Variants in VPS13B observed in about 807,000 individuals in gnomAD.
VPS13B encodes the protein vacuolar protein sorting 13 homolog B, also known as intermembrane lipid transfer protein VPS13B.
Under a neutral mutation model 426.4 loss-of-function variants are expected in VPS13B, and 285 were observed. The ratio of observed to expected loss-of-function variants is 0.67; its 90% CI spans 0.61 to 0.74. The LOEUF (loss-of-function observed/expected upper bound fraction) is 0.74, where lower values mean the gene tolerates loss of function less well. Ranked by LOEUF, VPS13B falls within the 30% of genes least tolerant of loss-of-function variation. The probability of loss-of-function intolerance (pLI) is 0.00; values close to 1 mark genes in which losing one functional copy is unlikely to be tolerated. For synonymous variants in VPS13B, 1,676 were observed against 1,676.4 expected (o/e 1.00, Z 0.01); for missense variants, 4,537 against 4,782.6 (o/e 0.95, Z 1.51).
At chr8:99,632,834 A>G (rs2133914137) in intron 33 of VPS13B, among the ~76,000 whole-genome samples, 1 of 152,182 alleles carries the variant, frequency 6.6e-6, no homozygotes, top group East Asian at 1.9e-4. Flanking sequence ...GGTGGCTAAT[A>G]CAAGTTTGCA....
At chr8:99,129,418 A>C (rs534626172) in intron 8 of VPS13B, among the ~76,000 whole-genome samples, 1 of 151,832 alleles carries the variant, frequency 6.6e-6, no homozygotes, top group South Asian at 2.1e-4. Context: ...AAATAAATAA[A>C]TTAGCAGGGC....
At chr8:99,094,878 A>G (rs1012771033) in intron 3 of VPS13B, among the ~76,000 whole-genome samples, 11 of 152,116 alleles carry the variant, frequency 7.2e-5, no homozygotes, top group Admixed American at 3.9e-4. Context: ...ATGGTGCGCA[A>G]TGCACTCTCA....
chr8:99,142,139 C>T (rs1220754905), intron 12 of VPS13B, among the ~76,000 whole-genome samples: 2 of 151,992 alleles, frequency 1.3e-5, no homozygotes, highest in African/African-American at 4.8e-5. Flanking sequence ...TACTCCTTTG[C>T]ATGAAATAAT....
At chr8:99,721,124 A>G in intron 39 of VPS13B, 77 bp downstream of exon 39, 35 of 1,449,122 alleles carry the variant, frequency 2.4e-5, no homozygotes, top group Non-Finnish European at 3.4e-5. Context: ...AATGTTTGGA[A>G]CATACTTACT....
intron 43 of VPS13B, among the ~76,000 whole-genome samples, chr8:99,807,816 C>A (rs1423273706): frequency 6.8e-6 from 1 of 147,888 alleles, no homozygotes; most frequent in East Asian, 2.0e-4. Flanking sequence ...TTGAGTGAGG[C>A]CATATTAACA....
At chr8:99,740,485 A>C (rs1358568983) in intron 39 of VPS13B, among the ~76,000 whole-genome samples, 1 of 152,110 alleles carries the variant, frequency 6.6e-6, no homozygotes, top group Non-Finnish European at 1.5e-5. Context: ...CCACAAAGAT[A>C]CTCCTCGAGA....
chr8:99,478,321 G>A (rs749977616), intron 24 of VPS13B, among the ~76,000 whole-genome samples: 5 of 149,402 alleles, frequency 3.3e-5, no homozygotes, highest in Non-Finnish European at 7.4e-5. Context: ...TGATCAGTTT[G>A]CTGTATAAGA....
intron 17 of VPS13B, among the ~76,000 whole-genome samples, chr8:99,237,753 GT>G (rs2132876323): frequency 6.6e-6 from 1 of 152,096 alleles, no homozygotes; most frequent in African/African-American, 2.4e-5. Context: ...TCTTATCCAT[GT>G]GACCCGAACC....
chr8:99,022,300 G>T (rs1841937560), intron 2 of VPS13B, among the ~76,000 whole-genome samples: 3 of 149,576 alleles, frequency 2.0e-5, no homozygotes, highest in Non-Finnish European at 3.0e-5. Flanking sequence ...CTGTCATGTG[G>T]GATTTCATGT....
chr8:99,050,940 A>T (rs914276034), intron 3 of VPS13B, among the ~76,000 whole-genome samples: 6 of 152,244 alleles, frequency 3.9e-5, no homozygotes, highest in African/African-American at 9.6e-5. Context: ...GCCCTTTGTC[A>T]GATGAGTAGA....
chr8:99,376,232 C>G (rs865887461), intron 19 of VPS13B, among the ~76,000 whole-genome samples: 1 of 152,256 alleles, frequency 6.6e-6, no homozygotes, highest in Middle Eastern at 3.4e-3. Flanking sequence ...TGGTCTGTGT[C>G]AACTCAATAT....
At chr8:99,356,647 A>C (rs1812197737) in intron 19 of VPS13B, among the ~76,000 whole-genome samples, 1 of 152,144 alleles carries the variant, frequency 6.6e-6, no homozygotes, top group Non-Finnish European at 1.5e-5. Flanking sequence ...ACCCTGTCTC[A>C]AACAAACAAA....
chr8:99,508,285 T>C (rs1457925360), intron 28 of VPS13B, among the ~76,000 whole-genome samples: 1 of 152,198 alleles, frequency 6.6e-6, no homozygotes, highest in East Asian at 1.9e-4. Flanking sequence ...ATTGTTTTCT[T>C]ACAACTAATT....
rs145010514 is a variant in VPS13B at position 99,853,001 on chromosome 8, A to G, written c.10062-450A>G. Among the ~76,000 whole-genome samples the G allele has an allele frequency of 3.5e-4, 53 of 152,162 alleles. No individual in the cohort carries two copies. In the East Asian group the frequency reaches 8.7e-3, roughly 25 times the overall value. ...GGGTGGTTCCGCCCCAGAAATGGAG[A>G]TGGAGAAGAGCCAAGCATGGACTCA... On this transcript the variant is annotated intron_variant, in intron 55 of 61. Coordinates refer to ENST00000357162, the MANE Select transcript of VPS13B (RefSeq NM_152564.5).
At chr8:99,779,401 A>G (rs552500690) in intron 42 of VPS13B, among the ~76,000 whole-genome samples, 1 of 152,302 alleles carries the variant, frequency 6.6e-6, no homozygotes, top group South Asian at 2.1e-4. Context: ...TGCAGAAATA[A>G]AGAACCTGTG....
intron 3 of VPS13B, among the ~76,000 whole-genome samples, chr8:99,053,701 A>G (rs1289858964): frequency 7.5e-6 from 1 of 134,186 alleles, no homozygotes; most frequent in Non-Finnish European, 1.6e-5. Flanking sequence ...CTTGCTTACA[A>G]CTCTTTTTTT....
At chr8:99,433,279 T>C (rs1817208454) in intron 22 of VPS13B, among the ~76,000 whole-genome samples, 1 of 152,204 alleles carries the variant, frequency 6.6e-6, no homozygotes, top group South Asian at 2.1e-4. Flanking sequence ...TCTGTCAGTG[T>C]GTCCTCAGTA....
Position 99,697,050 on chromosome 8 carries a change from A to G in VPS13B, c.6047-2475A>G. On this transcript the variant is annotated intron_variant, in intron 35 of 61. Transcript: ENST00000357162. ...AAGCAGTGTCTGGACCTGCACCTGCATCAGGAGATTCCCATATCGCTACTC... is the reference window on the plus strand; with the variant it reads ...AAGCAGTGTCTGGACCTGCACCTGCGTCAGGAGATTCCCATATCGCTACTC... The G allele has an allele frequency of 1.1e-5, 6 of 553,994 alleles. No individual in the cohort carries two copies. The South Asian group carries it at 1.1e-4, about 10-fold the overall frequency. 34.3% of individuals were successfully genotyped at this position (553,994 alleles called of 1,614,324 possible). A position where few individuals can be genotyped will look rare whatever the true frequency, so the allele number is the denominator to read the frequency against.
At position 99,809,482 on chromosome 8, in the gene VPS13B, T is replaced by A. The variant is rs765550072; in HGVS notation, c.8049T>A (p.Thr2683=). ...GAACAATTCAGTACAGGGGTCGAAC[T>A]GCTTCTCTCATCATCAAGGTTCAGC... The part of the protein sequence containing the change: ...FIRTIQYRGR[T]ASLIIKVQQL... Residue 2683 remains threonine, a synonymous_variant, in exon 44 of 62, where the codon ACT becomes ACA. Coordinates refer to ENST00000357162, the MANE Select transcript of VPS13B (RefSeq NM_152564.5). 6.2e-7 allele frequency: 1 copy of A among 1,614,098 alleles called. No homozygotes were observed. The highest frequency in any genetic ancestry group is 8.5e-7 in the Non-Finnish European group (1 of 1,179,980).
Sources: allele counts gnomAD v4.1 joint callset (sites outside exome capture counted in the v4.1 genomes callset), GRCh38; gene constraint gnomAD v4.1.1; transcripts MANE v1.5; gene names NCBI Gene and HGNC (gene_info 2026-07-23, HGNC 2026-07-21).